Variants in TK2 observed in about 807,000 individuals in gnomAD.
TK2 encodes thymidine kinase 2, mitochondrial.
TK2 carries 35 observed loss-of-function variants against 41.9 expected under a neutral mutation model. The ratio of observed to expected loss-of-function variants is 0.84; its 90% CI spans 0.64 to 1.11. TK2 has a LOEUF of 1.11. Among genes scored for constraint, TK2 ranks in the 50% least tolerant of loss-of-function variants. The pLI, the probability that TK2 is intolerant of heterozygous loss-of-function variation, is 0.00. For missense variants in TK2, 320 were observed against 351.1 expected, an observed-to-expected ratio of 0.91 and a Z score of 0.71; for synonymous variants, 128 against 129.1, an observed-to-expected ratio of 0.99 and a Z score of 0.06.
Position 66,517,938 on chromosome 16 carries a change from C to T in TK2, c.450-61G>A, listed in dbSNP as rs1413195937. ...AGAAAACTTCTGGGCTATGCAATTC[C>T]CCCAAAAGGATCTTGAGACGGCTCT... On this transcript the variant is annotated intron_variant, in intron 6 of 9. Coordinates refer to ENST00000544898, the MANE Select transcript of TK2 (RefSeq NM_004614.5). The surrounding 1 kb of genome is among the most constrained non-coding windows in gnomAD (Gnocchi z 4.3). The T allele has an allele frequency of 7.9e-6, 11 of 1,395,276 alleles. No homozygotes were observed. Among genetic ancestry groups the T allele is most frequent in the Non-Finnish European group, 1.1e-5 (11 of 980,820 alleles). The allele number at this position is 1,395,276 out of a possible 1,614,324, so 86.4% of individuals were successfully genotyped here.
intron 6 of TK2, among the ~76,000 whole-genome samples, chr16:66,518,643 A>G (rs1048179728): frequency 6.6e-6 from 1 of 152,280 alleles, no homozygotes; most frequent in Non-Finnish European, 1.5e-5. Flanking sequence ...AAATTCACGC[A>G]GTAACTGAAG....
intron 4 of TK2, 65 bp downstream of exon 4, chr16:66,536,899 A>G: frequency 6.3e-7 from 1 of 1,589,764 alleles, no homozygotes; most frequent in Non-Finnish European, 8.6e-7. Context: ...GCTCAGGCAG[A>G]GGCACCATCA....
Position 66,529,021 on chromosome 16 carries a change from T to C in TK2, c.422A>G (p.Tyr141Cys). The C allele has an allele frequency of 1.2e-6, 2 of 1,614,172 alleles. No homozygotes were observed. The highest frequency in any genetic ancestry group is 2.2e-5 in the East Asian group (1 of 44,890). ...TCTATACAGGTTTTCTACAAAAATG[T>C]ATCTTGCGCTGTGAATCGACCTCTC... ...LMERSIHSAR[Y>C]IFVENLYRSG... The change falls in exon 6 of 10, where the codon TAC becomes TGC. Residue 141 changes from tyrosine to cysteine, a missense_variant. Physicochemically the swap from Tyr to Cys is radical, Grantham distance 194. Coordinates refer to ENST00000544898, the MANE Select transcript of TK2 (RefSeq NM_004614.5).
chr16:66,510,607 C>A lies in TK2; in HGVS notation c.*1361G>T, dbSNP rs1255818673. ...TCACAGGGGCCTGGGAGCGGCCTTG[C>A]TACCTCTATTTACAGCCAACAGCTG... On this transcript the variant is annotated 3_prime_UTR_variant, in exon 10 of 10. Transcript: ENST00000544898. 2 of 152,292 alleles carry A rather than the reference C, an allele frequency of 1.3e-5. No individual in the cohort carries two copies. Among genetic ancestry groups the A allele is most frequent in the Non-Finnish European group, 2.9e-5 (2 of 68,102 alleles). 9.4% of individuals were successfully genotyped at this position (152,292 alleles called of 1,614,324 possible).
intron 1 of TK2, chr16:66,549,257 T>G: frequency 7.5e-7 from 1 of 1,333,688 alleles, no homozygotes; most frequent in South Asian, 1.7e-5. Context: ...ACATTATACT[T>G]TGCATTTTCC....
intron 4 of TK2, among the ~76,000 whole-genome samples, chr16:66,536,289 A>C (rs543655928): frequency 5.9e-5 from 9 of 152,152 alleles, no homozygotes; most frequent in African/African-American, 2.2e-4. Flanking sequence ...ATATAAGTGC[A>C]ATTTCCTAAG....
intron 6 of TK2, among the ~76,000 whole-genome samples, chr16:66,522,896 G>A (rs1184309374): frequency 6.6e-6 from 1 of 152,084 alleles, no homozygotes; most frequent in Non-Finnish European, 1.5e-5. Flanking sequence ...CCGTCTTTAA[G>A]GATACTGTGT....
At chr16:66,522,626 G>A (rs769598561) in intron 6 of TK2, among the ~76,000 whole-genome samples, 25 of 152,210 alleles carry the variant, frequency 1.6e-4, no homozygotes, top group Non-Finnish European at 3.2e-4. Context: ...CAGCACTTTG[G>A]CAGGCTGAGG....
At chr16:66,519,420 C>T (rs1964714282) in intron 6 of TK2, among the ~76,000 whole-genome samples, 1 of 152,190 alleles carries the variant, frequency 6.6e-6, no homozygotes, top group Non-Finnish European at 1.5e-5. Flanking sequence ...CTCAAATGAT[C>T]CACCCGCCTC....
chr16:66,542,716 G>C (rs1965493821), intron 2 of TK2, among the ~76,000 whole-genome samples: 1 of 152,162 alleles, frequency 6.6e-6, no homozygotes, highest in Admixed American at 6.5e-5. Flanking sequence ...GAGCATCCTA[G>C]AAGTAACTCA....
At chr16:66,549,689 G>C (rs1965723895) in intron 1 of TK2, 1 of 1,247,336 alleles carries the variant, frequency 8.0e-7, no homozygotes, top group Non-Finnish European at 1.0e-6. Context: ...GGAATGTTCA[G>C]AGCGTGTCCG....
At chr16:66,532,964 G>A (rs1330205436) in intron 4 of TK2, among the ~76,000 whole-genome samples, 1 of 152,014 alleles carries the variant, frequency 6.6e-6, no homozygotes, top group Non-Finnish European at 1.5e-5. Context: ...GCATCACACT[G>A]CCTGACTTCA....
At chr16:66,512,088 C>T in intron 9 of TK2, 22 bp from the exon 10 acceptor site, 1 of 1,596,952 alleles carries the variant, frequency 6.3e-7, no homozygotes, top group Non-Finnish European at 8.6e-7. Flanking sequence ...ACACATGGGT[C>T]ACAAGGCTGC....
rs2144461466 is a variant in TK2 at position 66,542,065 on chromosome 16, G to C, written c.157-112C>G. 4.2e-6 allele frequency: 5 copies of C among 1,191,720 alleles called. No individual in the cohort carries two copies. The East Asian group carries it at 1.2e-4, about 28-fold the overall frequency. The allele number at this position is 1,191,720 out of a possible 1,614,324, so 73.8% of individuals were successfully genotyped here. On this transcript the variant is annotated intron_variant, in intron 2 of 9. Coordinates refer to ENST00000544898, the MANE Select transcript of TK2 (RefSeq NM_004614.5). ...AACCAGCATAATTGGTTCAGTCCAA[G>C]ACTTTCACATGTAAACCAAAATCCC... is the stretch of plus-strand genomic sequence containing the variant.
At chr16:66,538,911 T>C (rs1405666540) in intron 3 of TK2, among the ~76,000 whole-genome samples, 1 of 152,152 alleles carries the variant, frequency 6.6e-6, no homozygotes, top group Non-Finnish European at 1.5e-5. Context: ...GGCTGTATCA[T>C]ACACTGGCCT....
At chr16:66,518,985 G>T (rs7201353) in intron 6 of TK2, among the ~76,000 whole-genome samples, 2 of 150,450 alleles carry the variant, frequency 1.3e-5, no homozygotes, top group African/African-American at 4.9e-5. Context: ...TTTTTGAGAC[G>T]TAGTGTCGCT....
intron 1 of TK2, 142 bp downstream of exon 1, chr16:66,549,796 C>T: frequency 7.8e-7 from 1 of 1,287,240 alleles, no homozygotes; most frequent in Non-Finnish European, 9.8e-7. Flanking sequence ...CCGATGGCCG[C>T]CCCCGTCCCA....
intron 6 of TK2, among the ~76,000 whole-genome samples, chr16:66,519,072 C>A (rs888936819): frequency 7.9e-5 from 12 of 152,068 alleles, no homozygotes; most frequent in Non-Finnish European, 1.8e-4. Flanking sequence ...CGCCATTCTC[C>A]TGCCTCAGCC....
At chr16:66,548,896 T>G (rs1395293878) in intron 2 of TK2, 82 bp downstream of exon 2, 1 of 1,379,536 alleles carries the variant, frequency 7.2e-7, no homozygotes, top group African/African-American at 1.4e-5. Flanking sequence ...GGAATGTATT[T>G]TTGCTTTTTA....
Sources: gnomAD v4.1 joint callset for allele counts (sites outside exome capture counted in the v4.1 genomes callset) on GRCh38, gnomAD v4.1.1 for gene constraint, Gnocchi (gnomAD v3.1) non-coding constraint, MANE v1.5 for transcripts, NCBI Gene and HGNC (gene_info 2026-07-23, HGNC 2026-07-21) for gene names.